Variants in TENM3 observed in about 807,000 individuals in gnomAD.
The protein encoded by TENM3 is teneurin-3.
TENM3 carries 63 observed loss-of-function variants against 255.1 expected under a neutral mutation model. The ratio of observed to expected loss-of-function variants is 0.25; its 90% CI spans 0.20 to 0.30. The LOEUF (loss-of-function observed/expected upper bound fraction) is 0.30. TENM3 is among the 10% of genes least tolerant of loss of function. The probability of loss-of-function intolerance (pLI) is 1.00; values close to 1 mark genes in which losing one functional copy is unlikely to be tolerated. For synonymous variants in TENM3, 1,306 were observed against 1,322.3 expected, an observed-to-expected ratio of 0.99 and a Z score of 0.27; for missense variants, 2,929 against 3,461.1, an observed-to-expected ratio of 0.85 and a Z score of 3.86.
intron 3 of TENM3, among the ~76,000 whole-genome samples, chr4:182,361,190 A>T (rs1765949373): frequency 6.6e-6 from 1 of 151,984 alleles, no homozygotes; most frequent in South Asian, 2.1e-4. Context: ...GAATCTGACA[A>T]TTATGTGTCT....
chr4:182,436,508 A>G (rs1438691411), intron 3 of TENM3, among the ~76,000 whole-genome samples: 1 of 152,222 alleles, frequency 6.6e-6, no homozygotes, highest in East Asian at 1.9e-4. Flanking sequence ...ACATACAAAG[A>G]GCCTCCTATT....
At chr4:182,687,606 T>A (rs183746243) in intron 11 of TENM3, among the ~76,000 whole-genome samples, 47 of 152,338 alleles carry the variant, frequency 3.1e-4, no homozygotes, top group African/African-American at 1.1e-3. Flanking sequence ...AGTTTCTTTT[T>A]ACATGCATGT....
chr4:181,981,666 G>C, the TENM3 span, among the ~76,000 whole-genome samples: 1 of 152,068 alleles, frequency 6.6e-6, no homozygotes. Flanking sequence ...GGGGAAAACT[G>C]ATAAGCAAAA....
At chr4:182,055,833 G>C in the TENM3 span, among the ~76,000 whole-genome samples, 1 of 152,074 alleles carries the variant, frequency 6.6e-6, no homozygotes, top group African/African-American at 2.4e-5. Flanking sequence ...TTAAAGATAA[G>C]TGCGTATATC....
At chr4:181,556,357 T>C in the TENM3 span, among the ~76,000 whole-genome samples, 1 of 152,108 alleles carries the variant, frequency 6.6e-6, no homozygotes, top group Admixed American at 6.6e-5. Context: ...AGATTCTAAT[T>C]TGTGGGGTTT....
the TENM3 span, among the ~76,000 whole-genome samples, chr4:182,020,798 A>G: frequency 6.6e-6 from 1 of 151,784 alleles, no homozygotes; most frequent in African/African-American, 2.4e-5. Flanking sequence ...AATACTCAAA[A>G]CTCATTTTTG....
chr4:182,581,550 C>T (rs1745496490), intron 3 of TENM3, among the ~76,000 whole-genome samples: 1 of 151,938 alleles, frequency 6.6e-6, no homozygotes, highest in Admixed American at 6.6e-5. Flanking sequence ...CCATCCTGGC[C>T]AACATGGTGA....
chr4:182,519,392 C>CA (rs2151769092), intron 3 of TENM3, among the ~76,000 whole-genome samples: 1 of 152,276 alleles, frequency 6.6e-6, no homozygotes, highest in African/African-American at 2.4e-5. Flanking sequence ...AAATGAAACT[C>CA]ACATCCCACT....
At chr4:181,730,505 C>G in the TENM3 span, among the ~76,000 whole-genome samples, 3 of 152,066 alleles carry the variant, frequency 2.0e-5, no homozygotes, top group African/African-American at 7.2e-5. Context: ...GGTCTAACTT[C>G]GTGGATAAAG....
At chr4:182,117,906 T>G in the TENM3 span, among the ~76,000 whole-genome samples, 3 of 152,220 alleles carry the variant, frequency 2.0e-5, no homozygotes, top group Admixed American at 6.5e-5. Flanking sequence ...AAATATTGAT[T>G]CTTCTCATCC....
At chr4:182,520,897 C>T (rs1738496533) in intron 3 of TENM3, among the ~76,000 whole-genome samples, 1 of 152,086 alleles carries the variant, frequency 6.6e-6, no homozygotes, top group South Asian at 2.1e-4. Context: ...CAGGTGAATT[C>T]CCTTGCCGTT....
At chr4:182,159,121 C>T (rs778730103) in intron 1 of TENM3, among the ~76,000 whole-genome samples, 15 of 152,180 alleles carry the variant, frequency 9.9e-5, no homozygotes, top group Non-Finnish European at 1.8e-4. Flanking sequence ...GGTGGTGTTG[C>T]TGTTGCCAGG....
chr4:181,750,705 C>T, the TENM3 span, among the ~76,000 whole-genome samples: 4 of 152,058 alleles, frequency 2.6e-5, no homozygotes, highest in South Asian at 4.1e-4. Context: ...GCAAAGAGGC[C>T]GCAACTTTCT....
chr4:182,449,072 C>A, intron 3 of TENM3: 1 of 323,316 alleles, frequency 3.1e-6, no homozygotes, highest in Non-Finnish European at 6.2e-6. Context: ...AGCGAGGGCG[C>A]GCCGCGGCAA....
At chr4:182,050,557 A>T in the TENM3 span, among the ~76,000 whole-genome samples, 1 of 152,142 alleles carries the variant, frequency 6.6e-6, no homozygotes, top group South Asian at 2.1e-4. Context: ...TAATCCCAGC[A>T]CTTTGGGAGG....
chr4:182,288,084 T>C (rs553544018), intron 1 of TENM3, among the ~76,000 whole-genome samples: 1 of 151,962 alleles, frequency 6.6e-6, no homozygotes. Flanking sequence ...ATTACAGGCG[T>C]GCACCACCAC....
At chr4:181,937,589 A>G in the TENM3 span, among the ~76,000 whole-genome samples, 1 of 152,338 alleles carries the variant, frequency 6.6e-6, no homozygotes, top group East Asian at 1.9e-4. Flanking sequence ...AGACGTGATC[A>G]TGACTGCACG....
At chr4:181,802,654 G>A in the TENM3 span, among the ~76,000 whole-genome samples, 1 of 152,052 alleles carries the variant, frequency 6.6e-6, no homozygotes, top group Non-Finnish European at 1.5e-5. Context: ...TGTCAGTGAG[G>A]CACTCACATT....
chr4:182,730,263 T>A lies in TENM3; in HGVS notation c.2649T>A (p.Asn883Lys). The A allele has an allele frequency of 6.2e-7, 1 of 1,613,844 alleles. No individual in the cohort carries two copies. Among genetic ancestry groups the A allele is most frequent in the Non-Finnish European group, 8.5e-7 (1 of 1,179,778 alleles). Residue 883 changes from asparagine to lysine, a missense_variant, in exon 15 of 28, where the codon AAT (asparagine) becomes AAA (lysine). Around this residue, in one of 6 missense-constraint regions of TENM3, gnomAD observed 1,608 missense variants for 1,884.4 expected, o/e 0.85. Transcript: ENST00000511685. Reference sequence around the variant, plus strand: ...ATGGAACTCCACTTATTGGAGTAAATGTCTCGTTTTTCCATTACCCAGAAT... The same window carrying A: ...ATGGAACTCCACTTATTGGAGTAAAAGTCTCGTTTTTCCATTACCCAGAAT... ...TADGTPLIGV[N>K]VSFFHYPEYG...
Sources: allele counts gnomAD v4.1 joint callset (sites outside exome capture counted in the v4.1 genomes callset), GRCh38; gene constraint gnomAD v4.1.1; regional missense constraint gnomAD v4.1.1; transcripts MANE v1.5; gene names NCBI Gene and HGNC (gene_info 2026-07-23, HGNC 2026-07-21).